MCRS1: variants seen among roughly 807,000 people sequenced by gnomAD.
MCRS1 encodes the protein 58 kDa microspherule protein.
A neutral mutation model predicts 62.9 loss-of-function variants in MCRS1; 22 were observed. That is an observed-to-expected ratio of 0.35 (90% CI 0.25 to 0.50). MCRS1 has a LOEUF of 0.50. Among genes scored for constraint, MCRS1 ranks in the 20% least tolerant of loss-of-function variants. The pLI is 0.98. For synonymous variants in MCRS1, 244 were observed against 233.5 expected (o/e 1.04, Z -0.41); for missense variants, 456 against 601.1 (o/e 0.76, Z 2.52).
chr12:49,559,987 G>A lies in MCRS1; in HGVS notation c.882-20C>T. The A allele has an allele frequency of 1.9e-6, 3 of 1,614,156 alleles. No homozygotes were observed. The highest frequency in any genetic ancestry group is 2.5e-6 in the Non-Finnish European group (3 of 1,180,006). On this transcript the variant is annotated intron_variant, in intron 9 of 14. Coordinates refer to ENST00000343810, the MANE Select transcript of MCRS1 (RefSeq NM_006337.5). The surrounding 1 kb of genome is among the most constrained non-coding windows in gnomAD (Gnocchi z 5.2). Reference sequence around the variant, plus strand: ...ATGTCCCTGAGGGGCAAGAAGAGAAGGAAGATTTAGGTCCACCTTCAGCTT... The same window carrying A: ...ATGTCCCTGAGGGGCAAGAAGAGAAAGAAGATTTAGGTCCACCTTCAGCTT...
intron 6 of MCRS1, among the ~76,000 whole-genome samples, chr12:49,563,983 G>C (rs1351232941): frequency 6.6e-6 from 1 of 152,206 alleles, no homozygotes; most frequent in African/African-American, 2.4e-5. Context: ...ATCCAACCAA[G>C]CTCTGAAGAC....
rs1938957730 is a variant in MCRS1, at chr12:49,564,664, G to C, written c.447+73C>G. 5.6e-6 allele frequency: 9 copies of C among 1,606,002 alleles called. No homozygotes were observed. In the South Asian group the frequency reaches 1.0e-4, roughly 18 times the overall value. On this transcript the variant is annotated intron_variant, in intron 5 of 14. Coordinates refer to ENST00000343810, the MANE Select transcript of MCRS1 (RefSeq NM_006337.5). ...CCTTCTTTGCCACCCACAGGGCCCT[G>C]TTGGGCTAATTTTGGGGTGCGAACT...
In MCRS1 at chr12:49,559,133, G is replaced by T; in HGVS notation, c.1174+81C>A. 1 of 1,545,894 alleles carries T rather than the reference G, an allele frequency of 6.5e-7. No homozygotes were observed. Among genetic ancestry groups the T allele is most frequent in the Non-Finnish European group, 8.9e-7 (1 of 1,126,456 alleles). ...CCACGAGGGTCCCCATGGACACCAA[G>T]CCCAGGGCTAGAAAGGACAGCGAGA... is the stretch of plus-strand genomic sequence containing the variant. On this transcript the variant is annotated intron_variant, in intron 13 of 14. Transcript: ENST00000343810. This position sits in a 1 kb window ranked among gnomAD's most constrained non-coding sequence, Gnocchi z 5.2.
Position 49,558,436 on chromosome 12 carries a change from G to C in MCRS1, c.*207C>G. On this transcript the variant is annotated 3_prime_UTR_variant, in exon 15 of 15. Coordinates refer to ENST00000343810, the MANE Select transcript of MCRS1 (RefSeq NM_006337.5). ...TTTAGAGAGAGGAAGATGGGGAGGG[G>C]CTCTGGATCTAGGGAAGCCTGAGGT... The C allele has an allele frequency of 1.8e-6, 1 of 549,620 alleles. No homozygotes were observed. Among genetic ancestry groups the C allele is most frequent in the Non-Finnish European group, 3.2e-6 (1 of 315,632 alleles). 34.0% of individuals were successfully genotyped at this position (549,620 alleles called of 1,614,324 possible).
chr12:49,559,742 C>T lies in MCRS1; in HGVS notation c.990G>A (p.Val330=). ...EQELHKWQVL[V]DSITGMSSPD... ...AGGCCTCCTCACCTGTGATGCTGTC[C>T]ACTAGCACCTGCCACTTATGCAGTT... The change falls in exon 11 of 15, where the codon GTG becomes GTA. Residue 330 remains valine (V), a synonymous_variant. Coordinates refer to ENST00000343810, the MANE Select transcript of MCRS1 (RefSeq NM_006337.5). The surrounding 1 kb of genome is among the most constrained non-coding windows in gnomAD (Gnocchi z 5.2). 1 of 1,614,206 alleles carries T rather than the reference C, an allele frequency of 6.2e-7. No individual in the cohort carries two copies. The highest frequency in any genetic ancestry group is 8.5e-7 in the Non-Finnish European group (1 of 1,180,030).
chr12:49,565,678 T>C lies in MCRS1; in HGVS notation c.150-11A>G, dbSNP rs745800707. Reference sequence around the variant, plus strand: ...TTCCTCTTGATGAACCTGTAAAGGGTCCTGCCCAGTGAACACTCCTTACCC... The same window carrying C: ...TTCCTCTTGATGAACCTGTAAAGGGCCCTGCCCAGTGAACACTCCTTACCC... On this transcript the variant is annotated splice_polypyrimidine_tract_variant and intron_variant, in intron 3 of 14. Coordinates refer to ENST00000343810, the MANE Select transcript of MCRS1 (RefSeq NM_006337.5). The C allele has an allele frequency of 1.9e-6, 3 of 1,613,830 alleles. No individual in the cohort carries two copies. Among genetic ancestry groups the C allele is most frequent in the East Asian group, 2.2e-5 (1 of 44,882 alleles).
Position 49,566,753 on chromosome 12 carries a change from C to G in MCRS1, c.-22G>C, listed in dbSNP as rs763275323. 1.9e-6 allele frequency: 3 copies of G among 1,613,390 alleles called. No individual in the cohort carries two copies. The South Asian group carries it at 3.3e-5, about 18-fold the overall frequency. ...CCATCCTCTTACAGTCCCAAAGCCA[C>G]TGGTTCCAAACCACCGGGCTAGGAG... is the stretch of plus-strand genomic sequence containing the variant. On this transcript the variant is annotated 5_prime_UTR_variant, in exon 2 of 15. Transcript: ENST00000343810.
chr12:49,559,429 A>T lies in MCRS1; in HGVS notation c.1086+24T>A. 6.2e-7 allele frequency: 1 copy of T among 1,613,838 alleles called. No individual in the cohort carries two copies. The highest frequency in any genetic ancestry group is 8.5e-7 in the Non-Finnish European group (1 of 1,179,870). ...CACTGACAGAGGAAGCAGCCTAAGAAGGGCGGGGATGGGCCTGCCTCACCT... is the reference window on the plus strand; with the variant it reads ...CACTGACAGAGGAAGCAGCCTAAGATGGGCGGGGATGGGCCTGCCTCACCT... On this transcript the variant is annotated intron_variant, in intron 12 of 14. Transcript: ENST00000343810. This position sits in a 1 kb window ranked among gnomAD's most constrained non-coding sequence, Gnocchi z 5.2.
At chr12:49,563,349 G>T in intron 7 of MCRS1, 89 bp downstream of exon 7, 2 of 1,393,032 alleles carry the variant, frequency 1.4e-6, no homozygotes, top group East Asian at 2.4e-5. Context: ...TCCAGACAGT[G>T]GGTGGGGAGC....
In MCRS1 at chr12:49,559,924, T is replaced by C. The variant is rs370678471; in HGVS notation, c.910+15A>G. 7 of 1,614,150 alleles carry C rather than the reference T, an allele frequency of 4.3e-6. No homozygotes were observed. In the South Asian group the frequency reaches 4.4e-5, roughly 10 times the overall value. ...GAGCTTCCATCCCCTCACCACCCCA[T>C]GAGGCCATACTTACCATGTTCCAGG... On this transcript the variant is annotated intron_variant, in intron 10 of 14. Transcript: ENST00000343810. This position sits in a 1 kb window ranked among gnomAD's most constrained non-coding sequence, Gnocchi z 5.2.
At chr12:49,561,682 T>G (rs1025654636) in intron 8 of MCRS1, among the ~76,000 whole-genome samples, 2 of 152,232 alleles carry the variant, frequency 1.3e-5, no homozygotes, top group Middle Eastern at 3.2e-3. Flanking sequence ...CCAGCTGGAG[T>G]GCAGTAGCGC....
At position 49,564,857 on chromosome 12, in the gene MCRS1, T is replaced by C; in HGVS notation, c.327A>G (p.Pro109=). ...GCTTGGTGAGTCCAGGGGCTGGGGC[T>C]GGGCTGGGTGGCACAGGAGTGCTGG... ...KAPSTPVPPS[P]APAPGLTKRV... The change falls in exon 5 of 15, where the codon CCA becomes CCG. Residue 109 remains proline (P), a synonymous_variant. Transcript: ENST00000343810. 1 of 1,612,366 alleles carries C rather than the reference T, an allele frequency of 6.2e-7. No individual in the cohort carries two copies. The highest frequency in any genetic ancestry group is 8.5e-7 in the Non-Finnish European group (1 of 1,178,932).
chr12:49,560,453 G>A (rs953169194), intron 8 of MCRS1, 83 bp from the exon 9 acceptor site: 4 of 1,248,204 alleles, frequency 3.2e-6, no homozygotes, highest in Non-Finnish European at 3.5e-6. Flanking sequence ...AAGTGGACCA[G>A]CTGCAGACTG....
intron 8 of MCRS1, among the ~76,000 whole-genome samples, chr12:49,562,275 G>C (rs1282757062): frequency 6.6e-6 from 1 of 152,224 alleles, no homozygotes; most frequent in African/African-American, 2.4e-5. Context: ...TAGAAAGTGA[G>C]AACGTGCTTG....
chr12:49,560,410 T>C, intron 8 of MCRS1, 40 bp from the exon 9 acceptor site: 1 of 1,593,150 alleles, frequency 6.3e-7, no homozygotes, highest in Non-Finnish European at 8.6e-7. Flanking sequence ...CCAAGGGTCT[T>C]GCTGAACCCG....
intron 8 of MCRS1, among the ~76,000 whole-genome samples, 158 bp downstream of exon 8, chr12:49,562,843 T>C (rs1370714294): frequency 6.6e-6 from 1 of 152,206 alleles, no homozygotes; most frequent in Non-Finnish European, 1.5e-5. Flanking sequence ...TTTCTCTCTC[T>C]GGAAAGTAGT....
At chr12:49,563,991 G>A (rs1024644764) in intron 6 of MCRS1, among the ~76,000 whole-genome samples, 1 of 152,238 alleles carries the variant, frequency 6.6e-6, no homozygotes, top group African/African-American at 2.4e-5. Flanking sequence ...AAGCTCTGAA[G>A]ACATTAAGTG....
At chr12:49,561,450 T>C (rs186759661) in intron 8 of MCRS1, among the ~76,000 whole-genome samples, 4 of 152,198 alleles carry the variant, frequency 2.6e-5, no homozygotes, top group African/African-American at 7.2e-5. Flanking sequence ...ACGAATCTCA[T>C]CTTCCGCTGA....
At chr12:49,564,919 C>G (rs766752922) in intron 4 of MCRS1, 24 bp from the exon 5 acceptor site, 7 of 1,542,076 alleles carry the variant, frequency 4.5e-6, no homozygotes, top group South Asian at 1.2e-5. Flanking sequence ...AGGAACAAAC[C>G]AAGCTCAAAG....
Sources: gnomAD v4.1 joint callset for allele counts (sites outside exome capture counted in the v4.1 genomes callset) on GRCh38, gnomAD v4.1.1 for gene constraint, Gnocchi (gnomAD v3.1) non-coding constraint, MANE v1.5 for transcripts, NCBI Gene and HGNC (gene_info 2026-07-23, HGNC 2026-07-21) for gene names.